INTS1: variants seen among roughly 807,000 people sequenced by gnomAD.
The protein encoded by INTS1 is integrator complex subunit 1.
A neutral mutation model predicts 241.6 loss-of-function variants in INTS1; 137 were observed. That is an observed-to-expected ratio of 0.57 (90% CI 0.49 to 0.65). INTS1 has a LOEUF of 0.65. Among genes scored for constraint, INTS1 ranks in the 30% least tolerant of loss-of-function variants. The pLI, the probability that INTS1 is intolerant of heterozygous loss-of-function variation, is 0.00. For missense variants in INTS1, 3,073 were observed against 3,032.2 expected, an observed-to-expected ratio of 1.01 and a Z score of -0.32; for synonymous variants, 1,692 against 1,337.8, an observed-to-expected ratio of 1.26 and a Z score of -5.78.
Position 1,470,828 on chromosome 7 carries a change from CG to C in INTS1, c.6457+17del. 2.6e-6 allele frequency: 4 copies of C among 1,557,876 alleles called. No homozygotes were observed. Among genetic ancestry groups the C allele is most frequent in the Non-Finnish European group, 3.5e-6 (4 of 1,149,330 alleles). On this transcript the variant is annotated intron_variant, in intron 47 of 47. Coordinates refer to ENST00000404767, the MANE Select transcript of INTS1 (RefSeq NM_001080453.3). ...CCCCGAGGGCTGCCAGGGCCCTGGGCGGGGGGCCAGTCCTCACCTTGGCACA... is the reference window on the plus strand; with the variant it reads ...CCCCGAGGGCTGCCAGGGCCCTGGGCGGGGGCCAGTCCTCACCTTGGCACA...
intron 43 of INTS1, 30 bp from the exon 44 acceptor site, chr7:1,472,416 G>A: frequency 6.8e-7 from 1 of 1,467,294 alleles, no homozygotes; most frequent in Non-Finnish European, 9.2e-7. Context: ...CTGCAGGAGG[G>A]CGGGAGCGGC....
In INTS1 at chr7:1,478,503, C is replaced by T. The variant is rs1781841956; in HGVS notation, c.4493G>A (p.Arg1498Gln). 2.5e-6 allele frequency: 4 copies of T among 1,610,096 alleles called. No individual in the cohort carries two copies. Among genetic ancestry groups the T allele is most frequent in the East Asian group, 2.2e-5 (1 of 44,832 alleles). ...ASAGRRLSDV[R>Q]GGLLRLAEAL... ...CTCGGCCAGGCGCAGGAGCCCCCCT[C>T]GCACTGTGGGAGGTCTGTGTGAGTG... is the stretch of plus-strand genomic sequence containing the variant. The change falls in exon 33 of 48, where the codon CGA becomes CAA. Residue 1498 changes from arginine to glutamine, a missense_variant. Coordinates refer to ENST00000404767, the MANE Select transcript of INTS1 (RefSeq NM_001080453.3).
intron 16 of INTS1, among the ~76,000 whole-genome samples, chr7:1,490,450 C>T (rs1009090477): frequency 3.3e-5 from 5 of 151,888 alleles, no homozygotes; most frequent in Non-Finnish European, 5.9e-5. Context: ...TCCGGATAAA[C>T]GGACACCACT....
chr7:1,489,174 G>A (rs964096735), intron 18 of INTS1, among the ~76,000 whole-genome samples, 170 bp downstream of exon 18: 4 of 152,198 alleles, frequency 2.6e-5, no homozygotes, highest in Admixed American at 2.6e-4. Context: ...AAAGAGAAGA[G>A]AACAAAGTGC....
intron 47 of INTS1, 65 bp from the exon 48 acceptor site, chr7:1,470,757 C>A: frequency 6.8e-7 from 1 of 1,475,224 alleles, no homozygotes; most frequent in Admixed American, 2.2e-5. Flanking sequence ...GTGACCAGAC[C>A]TCGGGACTCC....
intron 26 of INTS1, chr7:1,483,325 C>T (rs948227412): frequency 5.6e-5 from 18 of 322,904 alleles, no homozygotes; most frequent in African/African-American, 3.0e-4. Context: ...CTGGCCAGAG[C>T]GTCCTCAGGG....
rs1050030155 is a variant in INTS1 at position 1,497,262 on chromosome 7, C to T, written c.1478G>A (p.Arg493Gln). 1 of 1,613,430 alleles carries T rather than the reference C, an allele frequency of 6.2e-7. No individual in the cohort carries two copies. The highest frequency in any genetic ancestry group is 8.5e-7 in the Non-Finnish European group (1 of 1,179,778). Residue 493 changes from arginine (R) to glutamine (Q), a missense_variant, in exon 11 of 48, where the codon CGG becomes CAG. Transcript: ENST00000404767. The surrounding 1 kb of genome is among the most constrained non-coding windows in gnomAD (Gnocchi z 5.3). ...DLLTNKDDYL[R>Q]ASRALLREII... ...CTCCCGCAGCAGGGCCCGCGAGGCC[C>T]GCAGGTAGTCGTCCTTGTTGGTCAG...
intron 37 of INTS1, 27 bp from the exon 38 acceptor site, chr7:1,476,482 G>T (rs551606082): frequency 6.3e-7 from 1 of 1,593,086 alleles, no homozygotes; most frequent in African/African-American, 1.3e-5. Context: ...CATCAGCCCC[G>T]GAGCACCACC....
At position 1,474,193 on chromosome 7, in the gene INTS1, A is replaced by T; in HGVS notation, c.5804T>A (p.Leu1935His). The change falls in exon 41 of 48, where the codon CTT becomes CAT. Residue 1935 changes from leucine to histidine, a missense_variant. By Grantham distance (99) the Leu-to-His change is moderately conservative. Transcript: ENST00000404767. ...SEHQGALWDC[L>H]LSFIRLLLNY... Reference sequence around the variant, plus strand: ...CAGCAGCAGGCGGATGAAGGACAGAAGGCAGTCCCACAGCGCCCCCTGGTG... The same window carrying T: ...CAGCAGCAGGCGGATGAAGGACAGATGGCAGTCCCACAGCGCCCCCTGGTG... 1 of 1,585,232 alleles carries T rather than the reference A, an allele frequency of 6.3e-7. No individual in the cohort carries two copies. Among genetic ancestry groups the T allele is most frequent in the Non-Finnish European group, 8.6e-7 (1 of 1,168,374 alleles).
chr7:1,480,562 C>A (rs1781945305), intron 29 of INTS1, 121 bp from the exon 30 acceptor site: 9 of 1,157,120 alleles, frequency 7.8e-6, no homozygotes, highest in Non-Finnish European at 9.6e-6. Context: ...AGAGCTCAGA[C>A]CTGGGCTCTG....
In INTS1 at chr7:1,494,206, A is replaced by G. The variant is rs189625648; in HGVS notation, c.1911-295T>C. Among the ~76,000 whole-genome samples, 53 of 152,306 alleles carry G rather than the reference A, an allele frequency of 3.5e-4. No homozygotes were observed. The East Asian group carries it at 8.7e-3, about 25-fold the overall frequency. On this transcript the variant is annotated intron_variant, in intron 14 of 47. Transcript: ENST00000404767. ...CACCACACGGAGACTCTGCCACCCC[A>G]CAGAGGCCTCTAGATGGTTCTTGCC...
rs765422291 is a variant in INTS1 at position 1,473,077 on chromosome 7, C to T, written c.6065G>A (p.Gly2022Asp). The change falls in exon 43 of 48, where the codon GGC (glycine) becomes GAC (aspartate). Residue 2022 changes from glycine to aspartate, a missense_variant. Gly to Asp is a moderately conservative substitution (Grantham distance 94). Coordinates refer to ENST00000404767, the MANE Select transcript of INTS1 (RefSeq NM_001080453.3). Reference protein sequence around the residue: ...DRTDRGLDEEGEEESSAGSLP... With the variant: ...DRTDRGLDEEDEEESSAGSLP... ...CCCCTGGCAGCCCCACTCACCCTCGCCCTCTTCGTCCAGGCCTCGGTCGGT... is the reference window on the plus strand; with the variant it reads ...CCCCTGGCAGCCCCACTCACCCTCGTCCTCTTCGTCCAGGCCTCGGTCGGT... The T allele has an allele frequency of 6.2e-7, 1 of 1,601,650 alleles. No individual in the cohort carries two copies. The highest frequency in any genetic ancestry group is 1.3e-5 in the African/African-American group (1 of 74,804).
chr7:1,498,941 C>CCCCCCCCCCCCCCCCCCCCCCGGG, intron 8 of INTS1, 34 bp downstream of exon 8: 1 of 1,344,084 alleles, frequency 7.4e-7, no homozygotes, highest in Non-Finnish European at 1.0e-6. Context: ...CCCCCACCCC[C>CCCCCCCCCCCCCCCCCCCCCCGGG]TGCCCCGCCC....
intron 41 of INTS1, among the ~76,000 whole-genome samples, chr7:1,473,909 G>A (rs1484030519): frequency 6.6e-6 from 1 of 152,258 alleles, no homozygotes; most frequent in Non-Finnish European, 1.5e-5. Flanking sequence ...TGGATGAGGG[G>A]CTCGAGGTAG....
chr7:1,477,045 G>C, intron 35 of INTS1, 127 bp from the exon 36 acceptor site: 1 of 1,213,438 alleles, frequency 8.2e-7, no homozygotes, highest in Non-Finnish European at 1.1e-6. Context: ...CGGTAACACC[G>C]GCCCCGTCAT....
At chr7:1,494,332 T>G in intron 14 of INTS1, 2 of 245,698 alleles carry the variant, frequency 8.1e-6, no homozygotes, top group Non-Finnish European at 1.6e-5. Context: ...GGGCACGAGG[T>G]GGGGGCAGGG....
At chr7:1,471,309 G>T (rs768800435) in intron 45 of INTS1, 85 bp from the exon 46 acceptor site, 2 of 1,375,898 alleles carry the variant, frequency 1.5e-6, no homozygotes, top group Non-Finnish European at 2.0e-6. Context: ...CGTGATGGTT[G>T]GCGGCAACGG....
At position 1,481,885 on chromosome 7, in the gene INTS1, C is replaced by A. The variant is rs561082958; in HGVS notation, c.3704-397G>T. 6.6e-6 allele frequency among the ~76,000 whole-genome samples: 1 copy of A among 152,082 alleles called. No homozygotes were observed. Among genetic ancestry groups the A allele is most frequent in the Admixed American group, 6.5e-5 (1 of 15,286 alleles). On this transcript the variant is annotated intron_variant, in intron 27 of 47. Coordinates refer to ENST00000404767, the MANE Select transcript of INTS1 (RefSeq NM_001080453.3). The surrounding 1 kb of genome is among the most constrained non-coding windows in gnomAD (Gnocchi z 6.8). Reference sequence around the variant, plus strand: ...TGGATGGCAGCTGTGTGGGCCCCATCCCCAGGGGTGGGTGGGCGCTCCAGA... The same window carrying A: ...TGGATGGCAGCTGTGTGGGCCCCATACCCAGGGGTGGGTGGGCGCTCCAGA...
Position 1,487,407 on chromosome 7 carries a change from C to A in INTS1, c.2559G>T (p.Val853=). Residue 853 remains valine (V), a synonymous_variant, in exon 20 of 48, where the codon GTG becomes GTT. Coordinates refer to ENST00000404767, the MANE Select transcript of INTS1 (RefSeq NM_001080453.3). ...RRPPPHILDQ[V]KSLNQSLRLG... ...GGCGGAGGGACTGGTTGAGGCTTTT[C>A]ACTTGATCCAGGATGTGAGGGGGAG... is the stretch of plus-strand genomic sequence containing the variant. 1 of 1,612,184 alleles carries A rather than the reference C, an allele frequency of 6.2e-7. No individual in the cohort carries two copies. The highest frequency in any genetic ancestry group is 8.5e-7 in the Non-Finnish European group (1 of 1,179,516).
Sources: gnomAD v4.1 joint callset for allele counts (sites outside exome capture counted in the v4.1 genomes callset) on GRCh38, gnomAD v4.1.1 for gene constraint, Gnocchi (gnomAD v3.1) non-coding constraint, MANE v1.5 for transcripts, NCBI Gene and HGNC (gene_info 2026-07-23, HGNC 2026-07-21) for gene names.